The following ANKS1B variants were observed in gnomAD, a reference collection of about 807,000 sequenced individuals.
ANKS1B encodes the protein ankyrin repeat and sterile alpha motif domain containing 1B, also known as ankyrin repeat and sterile alpha motif domain-containing protein 1B.
In ANKS1B, 36 loss-of-function variants were observed where a neutral mutation model predicts 148.3. The observed-to-expected ratio is 0.24, with a 90% CI of 0.19 to 0.32. ANKS1B has a LOEUF of 0.32. Ranked by LOEUF, ANKS1B falls within the 10% of genes least tolerant of loss-of-function variation. The pLI is 1.00. For synonymous variants in ANKS1B, 542 were observed against 560.8 expected, an observed-to-expected ratio of 0.97 and a Z score of 0.47; for missense variants, 1,157 against 1,542.6, an observed-to-expected ratio of 0.75 and a Z score of 4.19.
chr12:98,898,153 G>T (rs544329982), intron 17 of ANKS1B, among the ~76,000 whole-genome samples: 2 of 152,000 alleles, frequency 1.3e-5, no homozygotes, highest in Admixed American at 6.6e-5. Flanking sequence ...CAACCTCACC[G>T]TTATACAACA....
chr12:99,544,404 T>C (rs2097154445), intron 9 of ANKS1B, among the ~76,000 whole-genome samples: 1 of 152,168 alleles, frequency 6.6e-6, no homozygotes, highest in Non-Finnish European at 1.5e-5. Context: ...GGACTCTGGT[T>C]CCTATGCTTT....
chr12:99,513,166 T>C (rs1032014392), intron 9 of ANKS1B, among the ~76,000 whole-genome samples: 1 of 152,014 alleles, frequency 6.6e-6, no homozygotes, highest in Non-Finnish European at 1.5e-5. Context: ...AAATTATGAC[T>C]CACTGAAGGC....
intron 17 of ANKS1B, among the ~76,000 whole-genome samples, chr12:99,038,163 T>C (rs549698879): frequency 6.6e-6 from 1 of 152,338 alleles, no homozygotes; most frequent in Admixed American, 6.5e-5. Flanking sequence ...AGAGAAGAGC[T>C]GAAATGCTTC....
chr12:99,081,402 A>T (rs992823244), intron 16 of ANKS1B, among the ~76,000 whole-genome samples: 5 of 152,216 alleles, frequency 3.3e-5, no homozygotes, highest in African/African-American at 1.2e-4. Flanking sequence ...CTGAAATTGT[A>T]TAAACAAAAT....
intron 15 of ANKS1B, among the ~76,000 whole-genome samples, chr12:99,148,632 T>C (rs1013531526): frequency 1.3e-5 from 2 of 152,156 alleles, no homozygotes; most frequent in Non-Finnish European, 2.9e-5. Flanking sequence ...TCTAGACTAC[T>C]CATTAGATTG....
chr12:99,624,477 G>C (rs573970801), intron 9 of ANKS1B, among the ~76,000 whole-genome samples: 1 of 152,082 alleles, frequency 6.6e-6, no homozygotes, highest in Non-Finnish European at 1.5e-5. Flanking sequence ...TACAAAATGG[G>C]AGAAAATATT....
chr12:98,827,622 T>C (rs1409687407), intron 19 of ANKS1B, among the ~76,000 whole-genome samples: 1 of 152,182 alleles, frequency 6.6e-6, no homozygotes, highest in Non-Finnish European at 1.5e-5. Flanking sequence ...AGGCCACCTC[T>C]GAGTGTTTAT....
At chr12:99,129,422 A>G (rs148684460) in intron 15 of ANKS1B, among the ~76,000 whole-genome samples, 2 of 152,340 alleles carry the variant, frequency 1.3e-5, no homozygotes, top group African/African-American at 4.8e-5. Context: ...GCCTGTCAGA[A>G]TTACCAGAAG....
At chr12:99,848,145 G>A (rs1304475445) in intron 1 of ANKS1B, among the ~76,000 whole-genome samples, 2 of 152,028 alleles carry the variant, frequency 1.3e-5, no homozygotes, top group African/African-American at 2.4e-5. Flanking sequence ...ACTGCATGGT[G>A]TGATAGCATC....
In ANKS1B at chr12:99,984,745, T is replaced by A. The variant is rs1004318234; in HGVS notation, c.-508A>T. On this transcript the variant is annotated 5_prime_UTR_variant, in exon 1 of 27. Transcript: ENST00000683438. ...CCTCGGCGGTTACGCGGGGGCGGCGTCCGCGGCGGGGAGGAGCGCGGCGGC... is the reference window on the plus strand; with the variant it reads ...CCTCGGCGGTTACGCGGGGGCGGCGACCGCGGCGGGGAGGAGCGCGGCGGC... The A allele has an allele frequency of 6.7e-6, 1 of 149,182 alleles. No individual in the cohort carries two copies. The highest frequency in any genetic ancestry group is 2.5e-5 in the African/African-American group (1 of 40,772). The allele number at this position is 149,182 out of a possible 1,614,324, so 9.2% of individuals were successfully genotyped here.
intron 17 of ANKS1B, among the ~76,000 whole-genome samples, chr12:98,953,340 GA>G (rs2153086438): frequency 6.6e-6 from 1 of 151,674 alleles, no homozygotes; most frequent in South Asian, 2.1e-4. Context: ...AATTTTTGTA[GA>G]AATGGGGTCT....
At chr12:99,891,318 G>A (rs1301304229) in intron 1 of ANKS1B, among the ~76,000 whole-genome samples, 1 of 152,112 alleles carries the variant, frequency 6.6e-6, no homozygotes, top group Non-Finnish European at 1.5e-5. Context: ...AATTGAGAGT[G>A]TGTGTGTATG....
intron 8 of ANKS1B, among the ~76,000 whole-genome samples, chr12:99,673,897 A>G (rs1384475278): frequency 6.6e-6 from 1 of 151,740 alleles, no homozygotes; most frequent in South Asian, 2.1e-4. Context: ...GCTCAAAATT[A>G]TAATTTAGAA....
chr12:99,890,570 GGTGTGT>G (rs10603901), intron 1 of ANKS1B, among the ~76,000 whole-genome samples: 12,482 of 137,696 alleles, frequency 0.091, 556 homozygotes, highest in South Asian at 0.12. Flanking sequence ...TCGCATTCAT[GGTGTGT>G]GTGTGTGTGT....
chr12:98,960,281 C>CAGAG (rs139654884), intron 17 of ANKS1B, among the ~76,000 whole-genome samples: 8 of 150,018 alleles, frequency 5.3e-5, no homozygotes, highest in African/African-American at 7.3e-5. Context: ...CAGCTCAGCA[C>CAGAG]AGAGAGAGAG....
intron 10 of ANKS1B, among the ~76,000 whole-genome samples, chr12:99,466,801 C>G (rs376036633): frequency 7.9e-5 from 12 of 151,894 alleles, no homozygotes; most frequent in Non-Finnish European, 2.9e-5. Context: ...TAATCAATAG[C>G]TTACCAACCA....
chr12:99,446,100 TAAAG>T (rs2095632921), intron 10 of ANKS1B, among the ~76,000 whole-genome samples: 1 of 149,542 alleles, frequency 6.7e-6, no homozygotes, highest in Non-Finnish European at 1.5e-5. Context: ...TGATAACAGA[TAAAG>T]GAAGCATGAT....
chr12:98,985,985 A>G (rs879838609), intron 17 of ANKS1B, among the ~76,000 whole-genome samples: 4 of 151,904 alleles, frequency 2.6e-5, no homozygotes, highest in Non-Finnish European at 5.9e-5. Context: ...GCTCTGAGAT[A>G]TTTTTTGCTG....
chr12:99,239,442 T>A (rs964444464), intron 14 of ANKS1B, among the ~76,000 whole-genome samples: 1 of 152,208 alleles, frequency 6.6e-6, no homozygotes, highest in East Asian at 1.9e-4. Context: ...ATACATTTGA[T>A]TGGTGTACCA....
Sources: gnomAD v4.1 joint callset for allele counts (sites outside exome capture counted in the v4.1 genomes callset) on GRCh38, gnomAD v4.1.1 for gene constraint, MANE v1.5 for transcripts, NCBI Gene and HGNC (gene_info 2026-07-23, HGNC 2026-07-21) for gene names.